GPC5: variants seen among roughly 807,000 people sequenced by gnomAD.
GPC5 encodes the protein glypican 5.
GPC5 carries 47 observed loss-of-function variants against 53.9 expected under a neutral mutation model. That is an observed-to-expected ratio of 0.87 (90% CI 0.69 to 1.11). The LOEUF (loss-of-function observed/expected upper bound fraction) is 1.11, where lower values mean the gene tolerates loss of function less well. Ranked by LOEUF, GPC5 falls within the 50% of genes most tolerant of loss-of-function variation. The probability of loss-of-function intolerance (pLI) is 0.00; values close to 1 mark genes in which losing one functional copy is unlikely to be tolerated. For synonymous variants in GPC5, 286 were observed against 263.3 expected (o/e 1.09, Z -0.84); for missense variants, 748 against 713.1 (o/e 1.05, Z -0.56).
intron 1 of GPC5, among the ~76,000 whole-genome samples, chr13:91,433,391 C>A (rs1422914402): frequency 6.7e-6 from 1 of 148,198 alleles, no homozygotes; most frequent in Non-Finnish European, 1.5e-5. Context: ...TGATGTTCCC[C>A]TTCCTGTGTC....
chr13:91,698,788 A>G (rs997368718), intron 3 of GPC5, among the ~76,000 whole-genome samples: 2 of 152,230 alleles, frequency 1.3e-5, no homozygotes, highest in African/African-American at 2.4e-5. Context: ...GCTTAGCGTC[A>G]GTCAGTCTAG....
chr13:92,572,762 A>T (rs2139042859), intron 7 of GPC5, among the ~76,000 whole-genome samples: 1 of 152,174 alleles, frequency 6.6e-6, no homozygotes, highest in East Asian at 1.9e-4. Context: ...ATGATTTATT[A>T]TTCTGTATAT....
chr13:92,475,776 A>G (rs911882895), intron 7 of GPC5, among the ~76,000 whole-genome samples: 1 of 152,190 alleles, frequency 6.6e-6, no homozygotes, highest in Non-Finnish European at 1.5e-5. Flanking sequence ...AAACCTGAGA[A>G]ACACAAGCAA....
intron 7 of GPC5, among the ~76,000 whole-genome samples, chr13:92,515,381 C>T (rs1024127316): frequency 1.3e-5 from 2 of 152,054 alleles, no homozygotes; most frequent in African/African-American, 4.8e-5. Flanking sequence ...ATGGTGTGGA[C>T]CTTAATGTGT....
intron 7 of GPC5, among the ~76,000 whole-genome samples, chr13:92,258,543 A>T (rs1211065035): frequency 6.6e-6 from 1 of 152,190 alleles, no homozygotes; most frequent in Admixed American, 6.5e-5. Flanking sequence ...ATTTTAACTT[A>T]TAACTAGTGC....
chr13:91,537,125 C>T (rs1175327536), intron 2 of GPC5, among the ~76,000 whole-genome samples: 2 of 151,984 alleles, frequency 1.3e-5, no homozygotes, highest in Admixed American at 6.6e-5. Context: ...ATAATCTAAC[C>T]TCCCACCTTA....
At chr13:92,777,058 G>A (rs997500907) in intron 7 of GPC5, among the ~76,000 whole-genome samples, 5 of 149,702 alleles carry the variant, frequency 3.3e-5, no homozygotes, top group Non-Finnish European at 7.4e-5. Flanking sequence ...AAGGCTGGGT[G>A]TGGTGGCTTA....
At chr13:91,448,195 G>C (rs1809839200) in intron 1 of GPC5, among the ~76,000 whole-genome samples, 1 of 152,234 alleles carries the variant, frequency 6.6e-6, no homozygotes, top group Admixed American at 6.5e-5. Context: ...TATATAGTGA[G>C]TGGAATCTTG....
intron 4 of GPC5, among the ~76,000 whole-genome samples, chr13:91,737,980 T>G (rs1455734739): frequency 6.6e-6 from 1 of 151,332 alleles, no homozygotes; most frequent in African/African-American, 2.5e-5. Context: ...GCCAGGTAAT[T>G]GAAGCTTATA....
intron 2 of GPC5, among the ~76,000 whole-genome samples, chr13:91,552,587 G>A (rs567181242): frequency 2.0e-5 from 3 of 152,164 alleles, no homozygotes; most frequent in South Asian, 2.1e-4. Flanking sequence ...TATGTGAAAC[G>A]AAGGGATGGG....
intron 6 of GPC5, among the ~76,000 whole-genome samples, chr13:92,142,054 G>A (rs947644232): frequency 6.6e-6 from 1 of 152,092 alleles, no homozygotes; most frequent in Non-Finnish European, 1.5e-5. Flanking sequence ...GGAAACTTTG[G>A]GGGACAGTGG....
At chr13:91,543,933 C>T (rs1312410959) in intron 2 of GPC5, among the ~76,000 whole-genome samples, 2 of 152,056 alleles carry the variant, frequency 1.3e-5, no homozygotes, top group African/African-American at 4.8e-5. Flanking sequence ...ATATAGCTAA[C>T]ATGGAAGAAA....
intron 7 of GPC5, among the ~76,000 whole-genome samples, chr13:92,145,476 C>T (rs1179671935): frequency 2.6e-5 from 4 of 151,178 alleles, no homozygotes; most frequent in Non-Finnish European, 5.9e-5. Flanking sequence ...TATGAATTTC[C>T]CCTTCCAAAA....
intron 7 of GPC5, among the ~76,000 whole-genome samples, chr13:92,426,866 G>A (rs1033580314): frequency 2.6e-4 from 40 of 152,002 alleles, no homozygotes; most frequent in Admixed American, 2.5e-3. Flanking sequence ...CTACTTAACT[G>A]TAGAGAATTA....
chr13:91,441,561 A>G (rs1880429925), intron 1 of GPC5, among the ~76,000 whole-genome samples: 1 of 152,186 alleles, frequency 6.6e-6, no homozygotes, highest in Non-Finnish European at 1.5e-5. Flanking sequence ...AGCAGTAGAG[A>G]GGAAGCTTTG....
chr13:91,975,785 G>T (rs1269842463), intron 6 of GPC5, among the ~76,000 whole-genome samples: 1 of 152,128 alleles, frequency 6.6e-6, no homozygotes, highest in African/African-American at 2.4e-5. Context: ...ATACCCAAAG[G>T]ATTATAAATC....
In GPC5 at chr13:92,823,978, T is replaced by C. The variant is rs9561168; in HGVS notation, c.1562-42304T>C. ...TTCCCCTTTACTGATGATTTGTTTT[T>C]CTTTGAATTTCTATTTAGTCATCCC... On this transcript the variant is annotated intron_variant, in intron 7 of 7. Transcript: ENST00000377067. 0.025 allele frequency among the ~76,000 whole-genome samples: 3,854 copies of C among 152,156 alleles called. 383 individuals are homozygous for C. The East Asian group carries it at 0.33, about 13-fold the overall frequency.
chr13:92,468,835 T>C (rs1006225963), intron 7 of GPC5, among the ~76,000 whole-genome samples: 7 of 152,128 alleles, frequency 4.6e-5, no homozygotes, highest in Non-Finnish European at 1.5e-5. Context: ...TGTCATCCTG[T>C]ACCCATTCCC....
At chr13:92,488,305 T>C (rs772037996) in intron 7 of GPC5, among the ~76,000 whole-genome samples, 3 of 152,218 alleles carry the variant, frequency 2.0e-5, no homozygotes, top group Non-Finnish European at 4.4e-5. Flanking sequence ...TATCGAAAGA[T>C]TTAAATTTAT....
Sources: gnomAD v4.1 joint callset for allele counts (sites outside exome capture counted in the v4.1 genomes callset) on GRCh38, gnomAD v4.1.1 for gene constraint, MANE v1.5 for transcripts, NCBI Gene and HGNC (gene_info 2026-07-23, HGNC 2026-07-21) for gene names.